Variants in ZNF493 observed in about 807,000 individuals in gnomAD.
The protein encoded by ZNF493 is zinc finger protein 493.
Under a neutral mutation model 12.2 loss-of-function variants are expected in ZNF493, and 11 were observed. The observed-to-expected ratio is 0.90, with a 90% confidence interval of 0.57 to 1.50. The LOEUF (loss-of-function observed/expected upper bound fraction) is 1.50, where lower values mean the gene tolerates loss of function less well. Among genes scored for constraint, ZNF493 ranks in the 40% most tolerant of loss-of-function variants. The probability of loss-of-function intolerance (pLI) is 0.00; values close to 1 mark genes in which losing one functional copy is unlikely to be tolerated. For synonymous variants in ZNF493, 286 were observed against 302.6 expected (o/e 0.95, Z 0.57); for missense variants, 950 against 906.6 (o/e 1.05, Z -0.61).
rs573687774 is a variant in ZNF493 at position 21,427,568 on chromosome 19, A to G, written c.*2584A>G. On this transcript the variant is annotated 3_prime_UTR_variant, in exon 4 of 4. Transcript: ENST00000392288. ...ATTGTGCATTCAATAAAGTGTTGTT[A>G]TGCCACAAAGATTAACATTTTCCAC... 2 of 152,196 alleles carry G rather than the reference A, an allele frequency of 1.3e-5. No individual in the cohort carries two copies. Among genetic ancestry groups the G allele is most frequent in the Middle Eastern group, 3.2e-3 (1 of 316 alleles). The allele number at this position is 152,196 out of a possible 1,614,324, so 9.4% of individuals were successfully genotyped here.
Position 21,397,153 on chromosome 19 carries a change from G to C in ZNF493, c.-85G>C. On this transcript the variant is annotated 5_prime_UTR_variant, in exon 1 of 4. Transcript: ENST00000392288. Reference sequence around the variant, plus strand: ...GGGCCATTGTTTCTCTCTGCTGCCGGAGCTCCAGGTCTACCCTTCACTGCT... The same window carrying C: ...GGGCCATTGTTTCTCTCTGCTGCCGCAGCTCCAGGTCTACCCTTCACTGCT... 14 of 1,506,982 alleles carry C rather than the reference G, an allele frequency of 9.3e-6. No individual in the cohort carries two copies. Among genetic ancestry groups the C allele is most frequent in the Non-Finnish European group, 1.3e-5 (14 of 1,083,076 alleles). 93.4% of individuals were successfully genotyped at this position (1,506,982 alleles called of 1,614,324 possible).
intron 3 of ZNF493, among the ~76,000 whole-genome samples, chr19:21,411,518 G>A (rs924372113): frequency 1.3e-5 from 2 of 152,020 alleles, no homozygotes; most frequent in African/African-American, 4.8e-5. Context: ...TCAGGAGTTT[G>A]CAACCAGCCT....
intron 1 of ZNF493, among the ~76,000 whole-genome samples, chr19:21,401,187 C>CT (rs1030842332): frequency 6.6e-6 from 1 of 152,084 alleles, no homozygotes; most frequent in African/African-American, 2.4e-5. Context: ...TCATTGCAAG[C>CT]TTTTTTAACA....
At chr19:21,414,363 C>T (rs2030418059) in intron 3 of ZNF493, 1 of 152,198 alleles carries the variant, frequency 6.6e-6, no homozygotes, top group African/African-American at 2.4e-5. Flanking sequence ...AGCTTCTTTC[C>T]AGGTAATGCT....
intron 3 of ZNF493, among the ~76,000 whole-genome samples, chr19:21,411,091 C>T (rs1039826391): frequency 2.6e-5 from 4 of 152,042 alleles, no homozygotes; most frequent in Non-Finnish European, 4.4e-5. Flanking sequence ...CCCCTGGCCT[C>T]ATGTCTACGG....
At chr19:21,420,143 A>G (rs1174783106) in intron 3 of ZNF493, among the ~76,000 whole-genome samples, 1 of 152,118 alleles carries the variant, frequency 6.6e-6, no homozygotes, top group Non-Finnish European at 1.5e-5. Flanking sequence ...TCACCAACAC[A>G]GGCTTCTGGA....
intron 3 of ZNF493, chr19:21,407,490 C>T (rs921604123): frequency 2.8e-5 from 7 of 252,188 alleles, no homozygotes; most frequent in Non-Finnish European, 4.4e-5. Context: ...GGGGTTTCAC[C>T]GTTTTAGCCA....
intron 3 of ZNF493, among the ~76,000 whole-genome samples, chr19:21,416,334 T>G (rs1453349062): frequency 6.6e-6 from 1 of 152,202 alleles, no homozygotes; most frequent in Non-Finnish European, 1.5e-5. Context: ...GAATTAGAAC[T>G]TGTGCTCCCC....
At position 21,397,150 on chromosome 19, in the gene ZNF493, C is replaced by T. The variant is rs1467020062; in HGVS notation, c.-88C>T. On this transcript the variant is annotated 5_prime_UTR_variant, in exon 1 of 4. Transcript: ENST00000392288. The stretch of plus-strand genomic sequence containing the variant: ...GCTGGGCCATTGTTTCTCTCTGCTG[C>T]CGGAGCTCCAGGTCTACCCTTCACT... The T allele has an allele frequency of 2.7e-6, 4 of 1,488,040 alleles. No individual in the cohort carries two copies. Among genetic ancestry groups the T allele is most frequent in the Middle Eastern group, 1.7e-4 (1 of 5,852 alleles). The allele number at this position is 1,488,040 out of a possible 1,614,324, so 92.2% of individuals were successfully genotyped here.
intron 3 of ZNF493, chr19:21,408,446 G>A: frequency 1.0e-6 from 1 of 984,726 alleles, no homozygotes; most frequent in African/African-American, 1.7e-5. Context: ...TCTTTTAAAT[G>A]CTTATTAAAA....
chr19:21,427,354 A>G lies in ZNF493; in HGVS notation c.*2370A>G, dbSNP rs987471239. 5.1e-5 allele frequency: 8 copies of G among 157,118 alleles called. No homozygotes were observed. The highest frequency in any genetic ancestry group is 1.0e-4 in the Non-Finnish European group (7 of 68,058). 9.7% of individuals were successfully genotyped at this position (157,118 alleles called of 1,614,324 possible). On this transcript the variant is annotated 3_prime_UTR_variant, in exon 4 of 4. Coordinates refer to ENST00000392288, the MANE Select transcript of ZNF493 (RefSeq NM_001076678.3). ...TGCACAATGTGCAGGTTAGTTACAT[A>G]TGTATACATGTGCCATGCTGGTGCG...
At chr19:21,405,437 G>C in intron 2 of ZNF493, 182 bp downstream of exon 2, 1 of 1,410,156 alleles carries the variant, frequency 7.1e-7, no homozygotes, top group Non-Finnish European at 9.2e-7. Flanking sequence ...ATCTTGGCCT[G>C]ATCTTTTTAC....
intron 3 of ZNF493, among the ~76,000 whole-genome samples, chr19:21,411,079 C>T (rs941536490): frequency 2.0e-5 from 3 of 152,118 alleles, no homozygotes; most frequent in Non-Finnish European, 2.9e-5. Context: ...CATGAGCCAC[C>T]ACCCCTGGCC....
At position 21,418,447 on chromosome 19, in the gene ZNF493, G is replaced by T. The variant is rs539423313; in HGVS notation, c.254-4466G>T. 5.5e-4 allele frequency among the ~76,000 whole-genome samples: 83 copies of T among 152,192 alleles called. 1 individual carries two copies. The South Asian group carries it at 9.3e-3, about 17-fold the overall frequency. Reference sequence around the variant, plus strand: ...TGGGGATTGCTTTAAGAGTACTTGGGTGTCCTCCGGCTTAGTTCTACATTC... The same window carrying T: ...TGGGGATTGCTTTAAGAGTACTTGGTTGTCCTCCGGCTTAGTTCTACATTC... On this transcript the variant is annotated intron_variant, in intron 3 of 3. Transcript: ENST00000392288.
intron 1 of ZNF493, among the ~76,000 whole-genome samples, chr19:21,399,920 G>C (rs1398577725): frequency 2.0e-5 from 3 of 152,110 alleles, no homozygotes; most frequent in African/African-American, 7.2e-5. Flanking sequence ...ATTTTTGACA[G>C]TGAATATCTC....
At position 21,423,450 on chromosome 19, in the gene ZNF493, C is replaced by T. The variant is rs1443452572; in HGVS notation, c.791C>T (p.Pro264Leu). 6.2e-7 allele frequency: 1 copy of T among 1,613,494 alleles called. No individual in the cohort carries two copies. The highest frequency in any genetic ancestry group is 2.2e-5 in the East Asian group (1 of 44,800). The change falls in exon 4 of 4, where the codon CCC becomes CTC. Residue 264 changes from proline (P) to leucine (L), a missense_variant. Transcript: ENST00000392288. Reference protein sequence around the residue: ...THKRIHTGQKPYKCEECGTSF... With the variant: ...THKRIHTGQKLYKCEECGTSF... Reference sequence around the variant, plus strand: ...AAGAGAATTCATACTGGACAGAAACCCTACAAATGTGAAGAATGTGGCACA... The same window carrying T: ...AAGAGAATTCATACTGGACAGAAACTCTACAAATGTGAAGAATGTGGCACA...
intron 3 of ZNF493, among the ~76,000 whole-genome samples, chr19:21,416,479 A>G (rs2030497641): frequency 1.3e-5 from 2 of 152,144 alleles, no homozygotes; most frequent in African/African-American, 4.8e-5. Context: ...GGCTTTACCA[A>G]CTCCAACTAT....
In ZNF493 at chr19:21,402,063, G is replaced by A. The variant is rs1234259250; in HGVS notation, c.31-3066G>A. Among the ~76,000 whole-genome samples the A allele has an allele frequency of 2.0e-5, 3 of 152,098 alleles. No individual in the cohort carries two copies. The South Asian group carries it at 6.2e-4, about 32-fold the overall frequency. On this transcript the variant is annotated intron_variant, in intron 1 of 3. Transcript: ENST00000392288. Reference sequence around the variant, plus strand: ...GCTCACTGCAACCTCCACCTCATGGGTTCATGCCATTCTCCTGCCTCAGCC... The same window carrying A: ...GCTCACTGCAACCTCCACCTCATGGATTCATGCCATTCTCCTGCCTCAGCC...
chr19:21,414,514 C>G (rs887775231), intron 3 of ZNF493: 1 of 152,158 alleles, frequency 6.6e-6, no homozygotes, highest in Admixed American at 6.5e-5. Flanking sequence ...TGAGCGAGCC[C>G]TAATGTGAGT....
Sources: allele counts gnomAD v4.1 joint callset (sites outside exome capture counted in the v4.1 genomes callset), GRCh38; gene constraint gnomAD v4.1.1; transcripts MANE v1.5; gene names NCBI Gene and HGNC (gene_info 2026-07-23, HGNC 2026-07-21).